Variants in UMAD1 observed in about 807,000 individuals in gnomAD.
UMAD1 encodes the protein UBAP1-MVB12-associated (UMA)-domain containing protein 1.
Under a neutral mutation model 6.1 loss-of-function variants are expected in UMAD1, and 8 were observed. The observed-to-expected ratio is 1.30, with a 90% CI of 0.76 to 2.35. The LOEUF (loss-of-function observed/expected upper bound fraction) is 2.35. Ranked by LOEUF, UMAD1 falls within the 30% of genes most tolerant of loss-of-function variation. UMAD1 has a pLI of 0.00. For missense variants in UMAD1, 130 were observed against 78.4 expected, an observed-to-expected ratio of 1.66 and a Z score of -2.49; for synonymous variants, 56 against 31.4, an observed-to-expected ratio of 1.78 and a Z score of -2.61.
At chr7:7,743,722 A>C (rs1781517262) in intron 2 of UMAD1, among the ~76,000 whole-genome samples, 2 of 151,130 alleles carry the variant, frequency 1.3e-5, no homozygotes, top group South Asian at 4.2e-4. Context: ...ATACATATAC[A>C]TATATATTTT....
At chr7:7,686,025 T>A (rs1168081115) in intron 2 of UMAD1, 1 of 152,252 alleles carries the variant, frequency 6.6e-6, no homozygotes, top group African/African-American at 2.4e-5. Context: ...TTGGGAGCTA[T>A]AGCCAGAGAA....
rs1563077044 is a variant in UMAD1, at chr7:7,643,725, ACAAACAAACG to A, written c.-64+2905_-64+2914del. ...AGACTCCCTCTCAAAAAAAAAAAAAACAAACAAACGAAAAAAAAAGGATCAACGGTTAAAT... is the reference window on the plus strand; with the variant it reads ...AGACTCCCTCTCAAAAAAAAAAAAAAAAAAAAAAAGGATCAACGGTTAAAT... On this transcript the variant is annotated intron_variant, in intron 1 of 3. Coordinates refer to ENST00000682710, the MANE Select transcript of UMAD1 (RefSeq NM_001302348.2). Among the ~76,000 whole-genome samples the A allele has an allele frequency of 1.2e-3, 10 of 8,082 alleles. 1 individual carries two copies. Among genetic ancestry groups the A allele is most frequent in the Admixed American group, 3.2e-3 (2 of 634 alleles). The allele number at this position is 8,082 out of a possible 152,430, so 5.3% of individuals were successfully genotyped here.
In UMAD1 at chr7:7,830,569, T is replaced by C. The variant is rs1187838558; in HGVS notation, c.156+28826T>C. Among the ~76,000 whole-genome samples, 1 of 152,112 alleles carries C rather than the reference T, an allele frequency of 6.6e-6. No individual in the cohort carries two copies. Among genetic ancestry groups the C allele is most frequent in the Admixed American group, 6.6e-5 (1 of 15,256 alleles). On this transcript the variant is annotated intron_variant, in intron 3 of 3. Coordinates refer to ENST00000682710, the MANE Select transcript of UMAD1 (RefSeq NM_001302348.2). This position sits in a 1 kb window ranked among gnomAD's most constrained non-coding sequence, Gnocchi z 5.3. ...TTCTTTGCTCTGGGTGCCCAAAAACTGTGAGCCAACTTCAAAGTGTGGAAA... is the reference window on the plus strand; with the variant it reads ...TTCTTTGCTCTGGGTGCCCAAAAACCGTGAGCCAACTTCAAAGTGTGGAAA...
intron 2 of UMAD1, among the ~76,000 whole-genome samples, chr7:7,698,891 G>T (rs1244784025): frequency 1.4e-5 from 2 of 138,556 alleles, no homozygotes; most frequent in East Asian, 4.2e-4. Context: ...TTTTTTTTGA[G>T]ACAGTCTCAC....
intron 1 of UMAD1, among the ~76,000 whole-genome samples, chr7:7,670,776 A>C (rs1779586642): frequency 1.3e-5 from 2 of 152,240 alleles, no homozygotes; most frequent in Admixed American, 1.3e-4. Flanking sequence ...CATAATTGCC[A>C]AAACCACTCC....
intron 2 of UMAD1, among the ~76,000 whole-genome samples, chr7:7,782,267 G>T (rs1782360589): frequency 6.6e-6 from 1 of 151,840 alleles, no homozygotes; most frequent in South Asian, 2.1e-4. Context: ...AAATCTTTCA[G>T]TTTTCCTCTC....
At chr7:7,812,057 A>G (rs12702654) in intron 3 of UMAD1, among the ~76,000 whole-genome samples, 139,190 of 152,258 alleles carry the variant, frequency 0.91, 63,730 homozygotes, top group Middle Eastern at 0.97. Flanking sequence ...TTTTGTTACC[A>G]CAACATCTGT....
chr7:7,811,595 C>A (rs1194864872), intron 3 of UMAD1, among the ~76,000 whole-genome samples: 1 of 152,136 alleles, frequency 6.6e-6, no homozygotes, highest in African/African-American at 2.4e-5. Context: ...GAGCGCCCTC[C>A]CTGCCCAGAA....
intron 3 of UMAD1, among the ~76,000 whole-genome samples, chr7:7,846,070 A>G (rs1783777203): frequency 6.6e-6 from 1 of 152,142 alleles, no homozygotes; most frequent in African/African-American, 2.4e-5. Context: ...AGTTCTTAAG[A>G]ACAGTGTCGA....
rs77732571 is a variant in UMAD1 at position 7,823,435 on chromosome 7, C to T, written c.156+21692C>T. Among the ~76,000 whole-genome samples the T allele has an allele frequency of 6.2e-3, 942 of 152,210 alleles. 13 individuals are homozygous for T. Among genetic ancestry groups the T allele is most frequent in the African/African-American group, 0.022 (895 of 41,528 alleles). Reference sequence around the variant, plus strand: ...TATCTATATTTGATCTGGCAACCCCCGCCATAACTCAGCCCTCTTATTAAC... The same window carrying T: ...TATCTATATTTGATCTGGCAACCCCTGCCATAACTCAGCCCTCTTATTAAC... On this transcript the variant is annotated intron_variant, in intron 3 of 3. Coordinates refer to ENST00000682710, the MANE Select transcript of UMAD1 (RefSeq NM_001302348.2).
intron 2 of UMAD1, among the ~76,000 whole-genome samples, chr7:7,762,963 G>A (rs980034596): frequency 1.3e-5 from 2 of 152,106 alleles, no homozygotes; most frequent in Admixed American, 6.5e-5. Flanking sequence ...AACGAAAATA[G>A]AGAATATCAG....
rs1169140304 is a variant in UMAD1 at position 7,843,138 on chromosome 7, A to G, written c.157-34143A>G. On this transcript the variant is annotated intron_variant, in intron 3 of 3. Transcript: ENST00000682710. ...AGAAAATAAGTAAAGTCTCTCTGCCACTTTAAGAAAGAAAAGCAGAAGATG... is the reference window on the plus strand; with the variant it reads ...AGAAAATAAGTAAAGTCTCTCTGCCGCTTTAAGAAAGAAAAGCAGAAGATG... Among the ~76,000 whole-genome samples the G allele has an allele frequency of 2.6e-5, 4 of 152,226 alleles. No individual in the cohort carries two copies. In the East Asian group the frequency reaches 7.7e-4, roughly 29 times the overall value.
At chr7:7,751,276 T>TG (rs1434374454) in intron 2 of UMAD1, among the ~76,000 whole-genome samples, 2 of 152,176 alleles carry the variant, frequency 1.3e-5, no homozygotes, top group Non-Finnish European at 2.9e-5. Context: ...AATGAATGTG[T>TG]GGGGCAAATA....
At chr7:7,838,933 C>T (rs1783623082) in intron 3 of UMAD1, among the ~76,000 whole-genome samples, 1 of 151,984 alleles carries the variant, frequency 6.6e-6, no homozygotes, top group Non-Finnish European at 1.5e-5. Flanking sequence ...ATATATTTGT[C>T]ATGTAGCTAT....
intron 3 of UMAD1, among the ~76,000 whole-genome samples, chr7:7,820,071 A>G (rs1411455020): frequency 7.9e-5 from 12 of 152,238 alleles, no homozygotes; most frequent in Admixed American, 6.5e-4. Flanking sequence ...TCACTCAGGC[A>G]AATTTTAGGG....
At position 7,651,588 on chromosome 7, in the gene UMAD1, A is replaced by C. The variant is rs28916277; in HGVS notation, c.-64+10767A>C. Among the ~76,000 whole-genome samples, 1,475 of 152,192 alleles carry C rather than the reference A, an allele frequency of 9.7e-3. 32 individuals carry two copies. The highest frequency in any genetic ancestry group is 0.034 in the African/African-American group (1,419 of 41,526). ...TGTTGATCTCATTCTGGTGATCTCT[A>C]ATTGAAGGAGAGACTGTGTCAGATT... On this transcript the variant is annotated intron_variant, in intron 1 of 3. Coordinates refer to ENST00000682710, the MANE Select transcript of UMAD1 (RefSeq NM_001302348.2).
At chr7:7,778,887 C>A (rs60939110) in intron 2 of UMAD1, among the ~76,000 whole-genome samples, 6,211 of 152,190 alleles carry the variant, frequency 0.041, 420 homozygotes, top group African/African-American at 0.14. Context: ...AGAATAAATG[C>A]TAATAGCAAT....
chr7:7,781,525 A>G (rs1182994379), intron 2 of UMAD1, among the ~76,000 whole-genome samples: 5 of 152,054 alleles, frequency 3.3e-5, no homozygotes, highest in Admixed American at 3.3e-4. Flanking sequence ...ATGATTCTCC[A>G]TTTATTTAAT....
chr7:7,785,922 T>G (rs747968643), intron 2 of UMAD1, among the ~76,000 whole-genome samples: 9 of 152,236 alleles, frequency 5.9e-5, no homozygotes, highest in Non-Finnish European at 1.0e-4. Context: ...TGTGTACCTA[T>G]CTGTATATCA....
Sources: gnomAD v4.1 joint callset for allele counts (sites outside exome capture counted in the v4.1 genomes callset) on GRCh38, gnomAD v4.1.1 for gene constraint, Gnocchi (gnomAD v3.1) non-coding constraint, MANE v1.5 for transcripts, NCBI Gene and HGNC (gene_info 2026-07-23, HGNC 2026-07-21) for gene names.